The following PKHD1 variants were observed in gnomAD, a reference collection of about 807,000 sequenced individuals.
PKHD1 encodes fibrocystin.
In PKHD1, 291 loss-of-function variants were observed where a neutral mutation model predicts 412.0. The observed-to-expected ratio is 0.71, with a 90% CI of 0.64 to 0.78. The LOEUF (loss-of-function observed/expected upper bound fraction) is 0.78, where lower values mean the gene tolerates loss of function less well. Among genes scored for constraint, PKHD1 ranks in the 30% least tolerant of loss-of-function variants. PKHD1 has a pLI of 0.00. For synonymous variants in PKHD1, 1,777 were observed against 1,821.5 expected, an observed-to-expected ratio of 0.98 and a Z score of 0.62; for missense variants, 4,825 against 4,950.7, an observed-to-expected ratio of 0.97 and a Z score of 0.76.
At chr6:51,679,629 G>A (rs140335267) in intron 60 of PKHD1, among the ~76,000 whole-genome samples, 79 of 152,096 alleles carry the variant, frequency 5.2e-4, no homozygotes, top group African/African-American at 1.9e-3. Flanking sequence ...AGGTAGTCAA[G>A]AATTTCCAAG....
intron 36 of PKHD1, among the ~76,000 whole-genome samples, chr6:51,954,403 T>G (rs1181568892): frequency 1.3e-5 from 2 of 152,080 alleles, no homozygotes; most frequent in East Asian, 3.9e-4. Flanking sequence ...GGAGCCCAGA[T>G]TCAGGCTCAG....
intron 43 of PKHD1, among the ~76,000 whole-genome samples, chr6:51,893,564 A>G (rs1481453465): frequency 6.6e-6 from 1 of 152,224 alleles, no homozygotes; most frequent in Non-Finnish European, 1.5e-5. Flanking sequence ...ATTCATGAGG[A>G]AAAACCACAT....
chr6:51,960,148 TA>T, intron 35 of PKHD1, 122 bp from the exon 36 acceptor site: 1 of 856,314 alleles, frequency 1.2e-6, no homozygotes, highest in Non-Finnish European at 1.9e-6. Context: ...CGGGATAGTA[TA>T]AGTATTGAAT....
Position 51,771,558 on chromosome 6 carries a change from G to A in PKHD1, c.8642+1144C>T, listed in dbSNP as rs1266665898. ...CACTTGAACCCAGGAGGTGGAGATC[G>A]CAATGAGCCAAGATTGTGCCATTGC... On this transcript the variant is annotated intron_variant, in intron 55 of 66. Coordinates refer to ENST00000371117, the MANE Select transcript of PKHD1 (RefSeq NM_138694.4). Among the ~76,000 whole-genome samples the A allele has an allele frequency of 2.6e-5, 4 of 151,498 alleles. No homozygotes were observed. The East Asian group carries it at 5.8e-4, about 22-fold the overall frequency.
At chr6:52,032,594 TACAA>T (rs1160414399) in intron 29 of PKHD1, among the ~76,000 whole-genome samples, 4 of 152,212 alleles carry the variant, frequency 2.6e-5, no homozygotes, top group Non-Finnish European at 5.9e-5. Flanking sequence ...ACTTGGTATA[TACAA>T]ACAGATGACC....
Position 51,659,138 on chromosome 6 carries a change from A to G in PKHD1, c.10988T>C (p.Val3663Ala), listed in dbSNP as rs751283365. The part of the protein sequence containing the change: ...MTVETISKVI[V>A]IEIGDSPTVR... ...TGTTGGCGAATCACCAATTTCAATG[A>G]CAATCACTTTTGAGATAGTTTCCAC... Residue 3663 changes from valine to alanine, a missense_variant, in exon 61 of 67, where the codon GTC (valine) becomes GCC (alanine). By Grantham distance (64) the Val-to-Ala change is moderately conservative (BLOSUM62 0). Transcript: ENST00000371117. 1.2e-6 allele frequency: 2 copies of G among 1,613,880 alleles called. No homozygotes were observed. Among genetic ancestry groups the G allele is most frequent in the Non-Finnish European group, 1.7e-6 (2 of 1,179,868 alleles).
intron 35 of PKHD1, among the ~76,000 whole-genome samples, chr6:51,960,290 T>C (rs1324604195): frequency 6.6e-6 from 1 of 152,176 alleles, no homozygotes; most frequent in African/African-American, 2.4e-5. Context: ...AAATTATATT[T>C]GAAGTTCTTC....
At chr6:51,753,832 C>T (rs762487057) in intron 56 of PKHD1, among the ~76,000 whole-genome samples, 5 of 152,208 alleles carry the variant, frequency 3.3e-5, no homozygotes, top group African/African-American at 4.8e-5. Context: ...GCAGCAGCAG[C>T]GCCCTCTCAT....
intron 60 of PKHD1, among the ~76,000 whole-genome samples, chr6:51,673,971 T>C (rs752544971): frequency 1.3e-5 from 2 of 152,148 alleles, no homozygotes; most frequent in Admixed American, 6.6e-5. Context: ...GGTGAGCTCA[T>C]GAATGGATTG....
chr6:52,041,306 T>C (rs1303640522), intron 27 of PKHD1, among the ~76,000 whole-genome samples: 3 of 152,228 alleles, frequency 2.0e-5, no homozygotes, highest in Non-Finnish European at 4.4e-5. Context: ...TTCATAGAGA[T>C]TGCCTGAGGA....
rs894579480 is a variant in PKHD1, at chr6:51,659,536, A to G, written c.10590T>C (p.Ser3530=). ...TGATGTTGAAATAGTTGGCACCAAT[A>G]GATTCATTCAGCAATAAGGAAGCTG... is the stretch of plus-strand genomic sequence containing the variant. ...VQSASLLLNE[S]IGANYFNIMD... The change falls in exon 61 of 67, where the codon TCT becomes TCC. Residue 3530 remains serine, a synonymous_variant. Coordinates refer to ENST00000371117, the MANE Select transcript of PKHD1 (RefSeq NM_138694.4). 23 of 1,613,616 alleles carry G rather than the reference A, an allele frequency of 1.4e-5. No homozygotes were observed. The highest frequency in any genetic ancestry group is 1.9e-5 in the Non-Finnish European group (22 of 1,179,834).
intron 35 of PKHD1, among the ~76,000 whole-genome samples, chr6:51,990,006 A>G (rs2128066757): frequency 7.0e-6 from 1 of 143,830 alleles, no homozygotes; most frequent in Admixed American, 7.3e-5. Context: ...CAATTTCACT[A>G]TTCCACCCAT....
intron 66 of PKHD1, among the ~76,000 whole-genome samples, chr6:51,624,927 C>T (rs191843419): frequency 1.2e-4 from 18 of 152,282 alleles, no homozygotes; most frequent in African/African-American, 2.9e-4. Flanking sequence ...CTCCAACTGA[C>T]AATGAGAATT....
At position 51,883,038 on chromosome 6, in the gene PKHD1, C is replaced by A. The variant is rs922466180; in HGVS notation, c.7350+55G>T. On this transcript the variant is annotated intron_variant, in intron 46 of 66. Transcript: ENST00000371117. ...TATCCTGGATCATCAGGGGGCCCAGCACATGTAATTTTGTTGTGATTGACA... is the reference window on the plus strand; with the variant it reads ...TATCCTGGATCATCAGGGGGCCCAGAACATGTAATTTTGTTGTGATTGACA... 13 of 1,406,604 alleles carry A rather than the reference C, an allele frequency of 9.2e-6. No homozygotes were observed. The African/African-American group carries it at 1.7e-4, about 18-fold the overall frequency. The allele number at this position is 1,406,604 out of a possible 1,614,324, so 87.1% of individuals were successfully genotyped here. A position where few individuals can be genotyped will look rare whatever the true frequency, so the allele number is the denominator to read the frequency against.
chr6:51,881,956 T>A (rs1428355225), intron 46 of PKHD1, among the ~76,000 whole-genome samples: 1 of 152,166 alleles, frequency 6.6e-6, no homozygotes, highest in South Asian at 2.1e-4. Context: ...TTATTTTTGA[T>A]TATCTCATGA....
chr6:51,699,165 T>A (rs906310421), intron 60 of PKHD1, among the ~76,000 whole-genome samples: 1 of 152,206 alleles, frequency 6.6e-6, no homozygotes, highest in African/African-American at 2.4e-5. Context: ...CAGATTCATA[T>A]AACTACTACC....
chr6:51,714,694 C>A (rs898451523), intron 60 of PKHD1, among the ~76,000 whole-genome samples: 1 of 152,064 alleles, frequency 6.6e-6, no homozygotes, highest in South Asian at 2.1e-4. Context: ...TTGGATAGAA[C>A]CAATATAGAA....
intron 63 of PKHD1, among the ~76,000 whole-genome samples, chr6:51,647,408 A>G (rs1045047366): frequency 6.6e-6 from 1 of 152,182 alleles, no homozygotes; most frequent in African/African-American, 2.4e-5. Context: ...CCTAGTAGAA[A>G]TCTGCATTTT....
intron 12 of PKHD1, 87 bp downstream of exon 12, chr6:52,065,889 C>T: frequency 2.6e-6 from 2 of 772,526 alleles, no homozygotes; most frequent in Non-Finnish European, 4.7e-6. Context: ...AGCTTGCTTC[C>T]TCCTGCATCC....
Sources: gnomAD v4.1 joint callset for allele counts (sites outside exome capture counted in the v4.1 genomes callset) on GRCh38, gnomAD v4.1.1 for gene constraint, MANE v1.5 for transcripts, NCBI Gene and HGNC (gene_info 2026-07-23, HGNC 2026-07-21) for gene names.